Variants in SRGAP3 observed in about 807,000 individuals in gnomAD.
SRGAP3 encodes the protein SLIT-ROBO Rho GTPase-activating protein 3.
In SRGAP3, 39 loss-of-function variants were observed where a neutral mutation model predicts 121.1. That is an observed-to-expected ratio of 0.32 (90% CI 0.25 to 0.42). The LOEUF is 0.42. Ranked by LOEUF, SRGAP3 falls within the 10% of genes least tolerant of loss-of-function variation. SRGAP3 has a pLI of 1.00. For synonymous variants in SRGAP3, 601 were observed against 570.0 expected (o/e 1.05, Z -0.77); for missense variants, 1,213 against 1,470.6 (o/e 0.82, Z 2.86).
chr3:9,253,398 A>G (rs1053986747), upstream of SRGAP3, among the ~76,000 whole-genome samples: 2 of 152,356 alleles, frequency 1.3e-5, no homozygotes, highest in East Asian at 3.8e-4. Context: ...TAAGGAAAAC[A>G]TGTCACAAGT....
At chr3:9,278,700 C>T (rs1171163647) in intron 3 of SRGAP3, among the ~76,000 whole-genome samples, 1 of 152,166 alleles carries the variant, frequency 6.6e-6, no homozygotes, top group African/African-American at 2.4e-5. Context: ...AGCCGGGTAT[C>T]CTGGGTAGAT....
intron 1 of SRGAP3, among the ~76,000 whole-genome samples, chr3:9,130,278 C>A (rs17050063): frequency 2.4e-4 from 37 of 152,090 alleles, no homozygotes; most frequent in African/African-American, 6.8e-4. Context: ...CAAGGCTTTA[C>A]GTAAACCAAG....
At chr3:9,248,767 T>C (rs2125248208) in intron 1 of SRGAP3, 118 bp downstream of exon 1, 2 of 1,045,736 alleles carry the variant, frequency 1.9e-6, no homozygotes, top group South Asian at 2.6e-5. Context: ...AAAAGATTAT[T>C]GATGCATAAC....
At chr3:9,164,854 T>C (rs1950728332) in intron 1 of SRGAP3, among the ~76,000 whole-genome samples, 1 of 152,156 alleles carries the variant, frequency 6.6e-6, no homozygotes, top group South Asian at 2.1e-4. Flanking sequence ...CACAGAGAAA[T>C]CCTCCTTTTA....
intron 17 of SRGAP3, among the ~76,000 whole-genome samples, chr3:9,012,482 C>T (rs1029993426): frequency 1.8e-4 from 27 of 152,132 alleles, no homozygotes; most frequent in African/African-American, 6.5e-4. Flanking sequence ...GCTTTTAAAG[C>T]CCTGACTTTG....
intron 14 of SRGAP3, among the ~76,000 whole-genome samples, chr3:9,021,282 C>T (rs375251821): frequency 3.2e-4 from 48 of 152,342 alleles, no homozygotes; most frequent in African/African-American, 1.1e-3. Context: ...AAGGCACCCC[C>T]TCCACATAAG....
At chr3:9,078,851 A>T (rs1160997020) in intron 4 of SRGAP3, among the ~76,000 whole-genome samples, 1 of 152,206 alleles carries the variant, frequency 6.6e-6, no homozygotes, top group Non-Finnish European at 1.5e-5. Flanking sequence ...GAATCACAGA[A>T]TTAAAAGTTT....
chr3:9,355,926 A>C (rs763797666), intron 1 of SRGAP3: 3 of 152,142 alleles, frequency 2.0e-5, no homozygotes, highest in Non-Finnish European at 4.4e-5. Context: ...AGGGAGCAAA[A>C]CTCATCCTTT....
rs143043733 is a variant in SRGAP3 at position 9,108,175 on chromosome 3, G to A, written c.261-3333C>T. ...TTCTAGACCACATAGTTCTCAACCTGTCCTGTACACTAGAATCAACTGGGG... is the reference window on the plus strand; with the variant it reads ...TTCTAGACCACATAGTTCTCAACCTATCCTGTACACTAGAATCAACTGGGG... On this transcript the variant is annotated intron_variant, in intron 2 of 21. Coordinates refer to ENST00000383836, the MANE Select transcript of SRGAP3 (RefSeq NM_014850.4). Among the ~76,000 whole-genome samples the A allele has an allele frequency of 5.1e-3, 778 of 152,208 alleles. 4 individuals are homozygous for A. Among genetic ancestry groups the A allele is most frequent in the Non-Finnish European group, 6.2e-3 (420 of 68,018 alleles).
intron 1 of SRGAP3, among the ~76,000 whole-genome samples, chr3:9,171,783 C>T (rs1181110490): frequency 2.6e-5 from 4 of 152,144 alleles, no homozygotes; most frequent in African/African-American, 9.7e-5. Context: ...TTTCTGGGAG[C>T]TGGCCCAATA....
chr3:9,165,638 C>A (rs1243251615), intron 1 of SRGAP3, among the ~76,000 whole-genome samples: 3 of 152,196 alleles, frequency 2.0e-5, no homozygotes, highest in African/African-American at 2.4e-5. Flanking sequence ...GCAGAACCCA[C>A]AAGGCCTGCA....
chr3:9,216,742 C>G (rs1574886646), intron 1 of SRGAP3: 1 of 152,646 alleles, frequency 6.6e-6, no homozygotes, highest in African/African-American at 2.4e-5. Flanking sequence ...GCACATGAGC[C>G]ACACCACGGA....
At chr3:9,258,216 G>A (rs769527173) in intron 3 of SRGAP3, among the ~76,000 whole-genome samples, 3 of 152,098 alleles carry the variant, frequency 2.0e-5, no homozygotes, top group Admixed American at 6.5e-5. Flanking sequence ...ACACAGAAGC[G>A]GTTTCTTGGA....
At chr3:9,348,874 T>C in intron 1 of SRGAP3, 1 of 1,191,268 alleles carries the variant, frequency 8.4e-7, no homozygotes, top group Non-Finnish European at 1.3e-6. Context: ...CAAACCTCAC[T>C]GAAGATCAGC....
At chr3:9,048,986 C>A (rs2125147538) in intron 9 of SRGAP3, among the ~76,000 whole-genome samples, 1 of 152,262 alleles carries the variant, frequency 6.6e-6, no homozygotes, top group Non-Finnish European at 1.5e-5. Context: ...ACAGTAATTG[C>A]AACAGCCCTG....
intron 9 of SRGAP3, among the ~76,000 whole-genome samples, chr3:9,050,807 C>A (rs1228742597): frequency 1.3e-5 from 2 of 152,166 alleles, no homozygotes; most frequent in African/African-American, 4.8e-5. Flanking sequence ...TGGTGAATAC[C>A]AGCAATCAGC....
At chr3:9,244,732 T>C (rs1953762943) in intron 1 of SRGAP3, among the ~76,000 whole-genome samples, 1 of 152,152 alleles carries the variant, frequency 6.6e-6, no homozygotes. Context: ...GACTAGATAA[T>C]ATGATATCAC....
intron 1 of SRGAP3, among the ~76,000 whole-genome samples, chr3:9,188,742 G>A (rs1191120216): frequency 6.6e-6 from 1 of 152,106 alleles, no homozygotes; most frequent in Non-Finnish European, 1.5e-5. Flanking sequence ...CTTTTCAAAA[G>A]CAATCTAAAT....
chr3:9,341,273 T>C (rs1955783734), intron 1 of SRGAP3, among the ~76,000 whole-genome samples: 1 of 152,196 alleles, frequency 6.6e-6, no homozygotes, highest in African/African-American at 2.4e-5. Context: ...CAGCACGATG[T>C]GGACACTGAA....
Sources: allele counts gnomAD v4.1 joint callset (sites outside exome capture counted in the v4.1 genomes callset), GRCh38; gene constraint gnomAD v4.1.1; transcripts MANE v1.5; gene names NCBI Gene and HGNC (gene_info 2026-07-23, HGNC 2026-07-21).